MPDZ: variants seen among roughly 807,000 people sequenced by gnomAD.
MPDZ encodes multiple PDZ domain crumbs cell polarity complex component.
MPDZ carries 234 observed loss-of-function variants against 239.1 expected under a neutral mutation model. The ratio of observed to expected loss-of-function variants is 0.98; its 90% CI spans 0.88 to 1.09. The LOEUF (loss-of-function observed/expected upper bound fraction) is 1.09, where lower values mean the gene tolerates loss of function less well. Ranked by LOEUF, MPDZ falls within the 50% of genes least tolerant of loss-of-function variation. MPDZ has a pLI of 0.00. For synonymous variants in MPDZ, 1,048 were observed against 881.3 expected (o/e 1.19, Z -3.35); for missense variants, 3,175 against 2,510.0 (o/e 1.26, Z -5.66).
chr9:13,130,096 G>A (rs765056089), intron 32 of MPDZ, among the ~76,000 whole-genome samples: 1 of 152,184 alleles, frequency 6.6e-6, no homozygotes, highest in East Asian at 1.9e-4. Flanking sequence ...TACCTGCTTT[G>A]ATGTATGGGT....
intron 3 of MPDZ, among the ~76,000 whole-genome samples, chr9:13,242,368 G>A (rs1454535679): frequency 6.6e-6 from 1 of 151,530 alleles, no homozygotes; most frequent in Non-Finnish European, 1.5e-5. Context: ...TGGGATTACA[G>A]GCATGCATGA....
chr9:13,110,248 C>G (rs1942223411), intron 44 of MPDZ, among the ~76,000 whole-genome samples, 184 bp from the exon 45 acceptor site: 1 of 152,172 alleles, frequency 6.6e-6, no homozygotes, highest in Non-Finnish European at 1.5e-5. Flanking sequence ...CTTAACTGTC[C>G]TGACAGTAAA....
chr9:13,161,883 A>G (rs1950532378), intron 23 of MPDZ, among the ~76,000 whole-genome samples: 1 of 152,204 alleles, frequency 6.6e-6, no homozygotes, highest in African/African-American at 2.4e-5. Flanking sequence ...AAGTGCCTTT[A>G]AAAAGCCAAA....
chr9:13,108,023 CTTG>C (rs1941774274), intron 46 of MPDZ, among the ~76,000 whole-genome samples: 1 of 152,034 alleles, frequency 6.6e-6, no homozygotes, highest in Non-Finnish European at 1.5e-5. Flanking sequence ...CTATAGCTAG[CTTG>C]TTGTAGGTAC....
chr9:13,230,865 G>C (rs991323497), intron 3 of MPDZ, among the ~76,000 whole-genome samples: 2 of 151,980 alleles, frequency 1.3e-5, no homozygotes, highest in Non-Finnish European at 2.9e-5. Flanking sequence ...TGGATATGCA[G>C]CTAAATAAAT....
chr9:13,253,029 A>G (rs1968517155), intron 1 of MPDZ, among the ~76,000 whole-genome samples: 1 of 152,210 alleles, frequency 6.6e-6, no homozygotes, highest in South Asian at 2.1e-4. Flanking sequence ...AAAATTCTAA[A>G]GATAGACAGT....
At chr9:13,121,195 T>C (rs1944291336) in intron 38 of MPDZ, among the ~76,000 whole-genome samples, 1 of 152,190 alleles carries the variant, frequency 6.6e-6, no homozygotes, top group Admixed American at 6.5e-5. Flanking sequence ...CTGATCCTTC[T>C]CCCTACAATA....
At position 13,225,022 on chromosome 9, in the gene MPDZ, G is replaced by A. The variant is rs114004194; in HGVS notation, c.184-439C>T. Among the ~76,000 whole-genome samples the A allele has an allele frequency of 7.6e-3, 1,155 of 152,044 alleles. 14 individuals are homozygous for A. The highest frequency in any genetic ancestry group is 0.018 in the African/African-American group (745 of 41,490). ...GCCACATGATATAAGCCCAAACTCG[G>A]AGCTGAATTTTAATCATATAGGCAG... On this transcript the variant is annotated intron_variant, in intron 3 of 46. Coordinates refer to ENST00000319217, the MANE Select transcript of MPDZ (RefSeq NM_001378778.1).
intron 1 of MPDZ, among the ~76,000 whole-genome samples, chr9:13,266,478 C>T (rs1222398591): frequency 6.6e-6 from 1 of 152,164 alleles, no homozygotes; most frequent in Non-Finnish European, 1.5e-5. Context: ...CTTTGCAATA[C>T]TTTTGGTGGA....
intron 23 of MPDZ, among the ~76,000 whole-genome samples, chr9:13,160,017 AAAGT>A (rs1436712055): frequency 3.3e-5 from 5 of 152,188 alleles, no homozygotes; most frequent in African/African-American, 1.2e-4. Context: ...TGTACCAGGT[AAAGT>A]AACTGGCAGA....
rs1959818256 is a variant in MPDZ, at chr9:13,224,339, G to A, written c.393+35C>T. 2.0e-6 allele frequency: 3 copies of A among 1,492,510 alleles called. No homozygotes were observed. The African/African-American group carries it at 4.2e-5, about 21-fold the overall frequency. 92.5% of individuals were successfully genotyped at this position (1,492,510 alleles called of 1,614,324 possible). On this transcript the variant is annotated intron_variant, in intron 4 of 46. Coordinates refer to ENST00000319217, the MANE Select transcript of MPDZ (RefSeq NM_001378778.1). ...TGATCACATTCTTAAATTACTACAG[G>A]TATTACAATAACTAACAGAAAGAAA...
At chr9:13,112,345 G>A (rs1477553769) in intron 42 of MPDZ, among the ~76,000 whole-genome samples, 199 bp from the exon 43 acceptor site, 9 of 152,180 alleles carry the variant, frequency 5.9e-5, no homozygotes, top group Admixed American at 5.9e-4. Flanking sequence ...TGTTCAGGAA[G>A]TAAAATAAAT....
chr9:13,253,239 G>T (rs1361157669), intron 1 of MPDZ, among the ~76,000 whole-genome samples: 2 of 106,444 alleles, frequency 1.9e-5, no homozygotes, highest in Non-Finnish European at 4.1e-5. Flanking sequence ...AAAAAAAAAA[G>T]CCCCCAGATG....
Position 13,118,206 on chromosome 9 carries a change from TTTTC to T in MPDZ, c.5379+1292_5379+1295del, listed in dbSNP as rs531223639. 7.5e-4 allele frequency among the ~76,000 whole-genome samples: 114 copies of T among 152,328 alleles called. 1 individual carries two copies. In the South Asian group the frequency reaches 0.023, roughly 30 times the overall value. On this transcript the variant is annotated intron_variant, in intron 39 of 46. Transcript: ENST00000319217. Reference sequence around the variant, plus strand: ...ACATTGTTTTATGGATGCTTCCATTTTTTCTTTCTTTAGGATATATAATTCTTAC... The same window carrying T: ...ACATTGTTTTATGGATGCTTCCATTTTTTCTTTAGGATATATAATTCTTAC...
At chr9:13,220,666 A>T (rs1958995890) in intron 7 of MPDZ, among the ~76,000 whole-genome samples, 1 of 151,964 alleles carries the variant, frequency 6.6e-6, no homozygotes, top group Admixed American at 6.6e-5. Context: ...TTAAACAGGA[A>T]TTTCATTTAT....
chr9:13,232,106 A>G (rs527596285), intron 3 of MPDZ, among the ~76,000 whole-genome samples: 1 of 152,296 alleles, frequency 6.6e-6, no homozygotes, highest in East Asian at 1.9e-4. Context: ...AAATAAATTA[A>G]AAGTATAAAG....
intron 3 of MPDZ, among the ~76,000 whole-genome samples, chr9:13,236,269 T>TATATATATATATATATATATATA: frequency 8.4e-5 from 1 of 11,936 alleles, no homozygotes; most frequent in African/African-American, 3.1e-4. Flanking sequence ...ATATATATAT[T>TATATATATATATATATATATATA]TTTTTTTTTT....
chr9:13,217,332 G>A (rs553075261), intron 8 of MPDZ, 38 bp from the exon 9 acceptor site: 31 of 1,306,482 alleles, frequency 2.4e-5, no homozygotes, highest in Middle Eastern at 4.2e-4. Context: ...GAAATAATAC[G>A]TAAAAAAAAC....
At chr9:13,221,344 G>T (rs73408218) in intron 7 of MPDZ, 28 bp downstream of exon 7, 1 of 1,568,882 alleles carries the variant, frequency 6.4e-7, no homozygotes. Context: ...TGATAAAATA[G>T]CATAAAAGAT....
Sources: allele counts gnomAD v4.1 joint callset (sites outside exome capture counted in the v4.1 genomes callset), GRCh38; gene constraint gnomAD v4.1.1; transcripts MANE v1.5; gene names NCBI Gene and HGNC (gene_info 2026-07-23, HGNC 2026-07-21).